Variants in KSR2 observed in about 807,000 individuals in gnomAD.
The protein encoded by KSR2 is kinase suppressor of ras 2.
KSR2 carries 25 observed loss-of-function variants against 107.8 expected under a neutral mutation model. The ratio of observed to expected loss-of-function variants is 0.23; its 90% confidence interval spans 0.17 to 0.32. KSR2 has a LOEUF of 0.32. KSR2 is among the 10% of genes least tolerant of loss of function. KSR2 has a pLI of 1.00. For synonymous variants in KSR2, 480 were observed against 507.0 expected (o/e 0.95, Z 0.71); for missense variants, 887 against 1,268.9 (o/e 0.70, Z 4.57).
At chr12:117,760,101 C>T (rs540644622) in intron 4 of KSR2, among the ~76,000 whole-genome samples, 23 of 151,926 alleles carry the variant, frequency 1.5e-4, no homozygotes, top group Non-Finnish European at 2.2e-4. Context: ...AGCTAGACTC[C>T]GTCTCAAAAA....
At chr12:117,808,152 A>G (rs946157810) in intron 3 of KSR2, among the ~76,000 whole-genome samples, 2 of 152,218 alleles carry the variant, frequency 1.3e-5, no homozygotes, top group African/African-American at 4.8e-5. Flanking sequence ...TGTAAAGCCC[A>G]AAGTATGGCA....
intron 1 of KSR2, among the ~76,000 whole-genome samples, chr12:117,923,856 G>C (rs530665319): frequency 4.0e-4 from 60 of 151,466 alleles, no homozygotes; most frequent in African/African-American, 1.4e-3. Context: ...TGTAACAAAG[G>C]AGTTGACATT....
At chr12:117,467,831 T>TTA in intron 19 of KSR2, 2 of 385,016 alleles carry the variant, frequency 5.2e-6, no homozygotes, top group Non-Finnish European at 1.0e-5. Flanking sequence ...ATAGGCTGAA[T>TTA]AAAAAAAAAA....
intron 1 of KSR2, among the ~76,000 whole-genome samples, chr12:117,952,078 T>C (rs1158359637): frequency 1.3e-5 from 2 of 151,954 alleles, no homozygotes; most frequent in Non-Finnish European, 2.9e-5. Flanking sequence ...GGATATAATA[T>C]ACAATGTGGT....
In KSR2 at chr12:117,463,435, A is replaced by T. The variant is rs4767547; in HGVS notation, c.*3764T>A. 46,963 of 152,076 alleles carry T rather than the reference A, an allele frequency of 0.31. 7,896 individuals carry two copies. The highest frequency in any genetic ancestry group is 0.43 in the African/African-American group (17,959 of 41,466). The allele number at this position is 152,076 out of a possible 1,614,324, so 9.4% of individuals were successfully genotyped here. On this transcript the variant is annotated 3_prime_UTR_variant, in exon 20 of 20. Coordinates refer to ENST00000339824, the MANE Select transcript of KSR2 (RefSeq NM_173598.6). ...AGTTAGGAAAGGGCCAGATTGTAAA[A>T]GTTTTTGACTGTGTGGGCCACATCG...
chr12:117,565,487 T>C (rs937624019), intron 7 of KSR2, among the ~76,000 whole-genome samples: 3 of 152,236 alleles, frequency 2.0e-5, no homozygotes, highest in African/African-American at 7.2e-5. Context: ...GAGGTGTATA[T>C]TGTTACACCC....
intron 4 of KSR2, among the ~76,000 whole-genome samples, chr12:117,747,708 A>G (rs1295282615): frequency 1.3e-5 from 2 of 152,228 alleles, no homozygotes; most frequent in Non-Finnish European, 2.9e-5. Flanking sequence ...AAAATACTCA[A>G]CATCATTAAT....
At chr12:117,736,518 A>G (rs1887944778) in intron 4 of KSR2, among the ~76,000 whole-genome samples, 1 of 152,194 alleles carries the variant, frequency 6.6e-6, no homozygotes, top group Admixed American at 6.5e-5. Flanking sequence ...ACTAATAAAG[A>G]GTAAGAACCA....
chr12:117,855,414 C>T lies in KSR2; in HGVS notation c.472+14G>A, dbSNP rs775123528. 1.1e-5 allele frequency: 18 copies of T among 1,613,996 alleles called. No homozygotes were observed. The highest frequency in any genetic ancestry group is 2.7e-5 in the African/African-American group (2 of 75,050). On this transcript the variant is annotated intron_variant, in intron 3 of 19. Transcript: ENST00000339824. ...GGACAAGTCTCCACATCCCCGACCC[C>T]GGGGCCTGCTCACCTGACATGTGGA...
At chr12:117,470,969 C>T (rs1400779457) in intron 18 of KSR2, among the ~76,000 whole-genome samples, 19 of 152,204 alleles carry the variant, frequency 1.2e-4, no homozygotes, top group Admixed American at 1.2e-3. Context: ...AACCTGACCA[C>T]GTGTTACTGT....
intron 1 of KSR2, among the ~76,000 whole-genome samples, chr12:117,947,893 C>T (rs1896247039): frequency 6.6e-6 from 1 of 152,018 alleles, no homozygotes; most frequent in Non-Finnish European, 1.5e-5. Context: ...AATGGAGAGA[C>T]ATACCACGTT....
intron 3 of KSR2, among the ~76,000 whole-genome samples, chr12:117,772,662 CAA>C (rs1889545456): frequency 6.7e-6 from 1 of 150,122 alleles, no homozygotes; most frequent in South Asian, 2.1e-4. Flanking sequence ...ACCATTCTCC[CAA>C]AGATGCACAC....
In KSR2 at chr12:117,461,387, A is replaced by T. The variant is rs1870890272; in HGVS notation, c.*5812T>A. On this transcript the variant is annotated 3_prime_UTR_variant, in exon 20 of 20. Transcript: ENST00000339824. ...CCAGCCCTGCCAATGGTGCCCTTCTAACTCCCTGTGCCAGGGTCTTACTCT... is the reference window on the plus strand; with the variant it reads ...CCAGCCCTGCCAATGGTGCCCTTCTTACTCCCTGTGCCAGGGTCTTACTCT... The T allele has an allele frequency of 6.6e-6, 1 of 152,206 alleles. No individual in the cohort carries two copies. Among genetic ancestry groups the T allele is most frequent in the Admixed American group, 6.5e-5 (1 of 15,286 alleles). 9.4% of individuals were successfully genotyped at this position (152,206 alleles called of 1,614,324 possible). A position where few individuals can be genotyped will look rare whatever the true frequency, so the allele number is the denominator to read the frequency against.
intron 10 of KSR2, 47 bp downstream of exon 10, chr12:117,539,672 G>T: frequency 1.3e-6 from 2 of 1,504,892 alleles, no homozygotes; most frequent in Non-Finnish European, 1.8e-6. Context: ...CCTAATCTCT[G>T]CCCCTCCAAC....
At chr12:117,717,666 G>GTATGTGTGTGT (rs1887038768) in intron 4 of KSR2, among the ~76,000 whole-genome samples, 3 of 144,364 alleles carry the variant, frequency 2.1e-5, no homozygotes, top group African/African-American at 7.8e-5. Flanking sequence ...GGGGCAGACA[G>GTATGTGTGTGT]GTGTGTGTGT....
intron 1 of KSR2, among the ~76,000 whole-genome samples, chr12:117,947,236 A>G (rs1430619218): frequency 1.6e-5 from 2 of 121,516 alleles, no homozygotes; most frequent in African/African-American, 3.4e-5. Context: ...AAAGAAAGAA[A>G]GAAAGAAAGA....
chr12:117,836,331 T>G (rs1321317210), intron 3 of KSR2, among the ~76,000 whole-genome samples: 1 of 151,994 alleles, frequency 6.6e-6, no homozygotes, highest in African/African-American at 2.4e-5. Context: ...AGAAAGATAC[T>G]GGAGGCAGAA....
chr12:117,835,413 G>A (rs1286149372), intron 3 of KSR2, among the ~76,000 whole-genome samples: 1 of 152,150 alleles, frequency 6.6e-6, no homozygotes, highest in East Asian at 1.9e-4. Context: ...ACCATGCTCT[G>A]GGCATGATAA....
At chr12:117,687,539 C>T (rs570097563) in intron 4 of KSR2, among the ~76,000 whole-genome samples, 5 of 152,212 alleles carry the variant, frequency 3.3e-5, no homozygotes, top group South Asian at 4.2e-4. Context: ...TGTCACTTAA[C>T]GTGTTCATCT....
Sources: gnomAD v4.1 joint callset for allele counts (sites outside exome capture counted in the v4.1 genomes callset) on GRCh38, gnomAD v4.1.1 for gene constraint, MANE v1.5 for transcripts, NCBI Gene and HGNC (gene_info 2026-07-23, HGNC 2026-07-21) for gene names.